Variants in UBE2E1 observed in about 807,000 individuals in gnomAD.
UBE2E1 encodes ubiquitin-conjugating enzyme E2 E1.
UBE2E1 carries 6 observed loss-of-function variants against 21.4 expected under a neutral mutation model. That is an observed-to-expected ratio of 0.28 (90% CI 0.15 to 0.55). The LOEUF (loss-of-function observed/expected upper bound fraction) is 0.55, where lower values mean the gene tolerates loss of function less well. Ranked by LOEUF, UBE2E1 falls within the 20% of genes least tolerant of loss-of-function variation. UBE2E1 has a pLI of 0.93. For missense variants in UBE2E1, 142 were observed against 236.5 expected (o/e 0.60, Z 2.62); for synonymous variants, 87 against 82.7 (o/e 1.05, Z -0.28).
At chr3:23,832,609 G>C (rs1408791392) in intron 3 of UBE2E1, among the ~76,000 whole-genome samples, 1 of 152,104 alleles carries the variant, frequency 6.6e-6, no homozygotes, top group East Asian at 1.9e-4. Context: ...AGAATCGCTT[G>C]AACTCAGTGG....
At chr3:23,859,335 G>A (rs1033223311) in intron 3 of UBE2E1, among the ~76,000 whole-genome samples, 1 of 152,152 alleles carries the variant, frequency 6.6e-6, no homozygotes, top group African/African-American at 2.4e-5. Context: ...CTCCTTAAGG[G>A]AGGTATGAGG....
chr3:23,860,997 G>C (rs1197790799), intron 3 of UBE2E1, among the ~76,000 whole-genome samples: 1 of 152,216 alleles, frequency 6.6e-6, no homozygotes, highest in Admixed American at 6.5e-5. Flanking sequence ...TGCACCAAAT[G>C]CTACACAGCC....
At chr3:23,830,088 A>G (rs1360590933) in intron 3 of UBE2E1, among the ~76,000 whole-genome samples, 2 of 152,170 alleles carry the variant, frequency 1.3e-5, no homozygotes, top group African/African-American at 4.8e-5. Flanking sequence ...TCATGCATAT[A>G]TTATTTTTCC....
rs1357036730 is a variant in UBE2E1 at position 23,830,098 on chromosome 3, C to CT, written c.203+18594dup. On this transcript the variant is annotated intron_variant, in intron 3 of 5. Coordinates refer to ENST00000306627, the MANE Select transcript of UBE2E1 (RefSeq NM_003341.5). ...AAAAATCATGCATATATTATTTTTCCTTTTTTCTTTTTAACTACTTCCTGG... is the reference window on the plus strand; with the variant it reads ...AAAAATCATGCATATATTATTTTTCCTTTTTTTCTTTTTAACTACTTCCTGG... 6.2e-4 allele frequency among the ~76,000 whole-genome samples: 94 copies of CT among 152,144 alleles called. 1 individual carries two copies. Among genetic ancestry groups the CT allele is most frequent in the African/African-American group, 2.1e-3 (87 of 41,506 alleles).
Position 23,848,099 on chromosome 3 carries a change from G to A in UBE2E1, c.203+36589G>A, listed in dbSNP as rs543260465. ...CCCAGTGTTTTCACAATAAACCTGT[G>A]CAGTAATTTCCTTATTTACAAATGA... is the stretch of plus-strand genomic sequence containing the variant. On this transcript the variant is annotated intron_variant, in intron 3 of 5. Transcript: ENST00000306627. Among the ~76,000 whole-genome samples, 3 of 152,274 alleles carry A rather than the reference G, an allele frequency of 2.0e-5. No homozygotes were observed. The South Asian group carries it at 6.2e-4, about 32-fold the overall frequency.
chr3:23,866,951 G>A (rs1700669496), intron 3 of UBE2E1, among the ~76,000 whole-genome samples: 1 of 152,096 alleles, frequency 6.6e-6, no homozygotes, highest in South Asian at 2.1e-4. Context: ...TAAGCTTCAT[G>A]GGTGTAGTAA....
chr3:23,812,308 A>G (rs1575799167), intron 3 of UBE2E1, among the ~76,000 whole-genome samples: 1 of 152,224 alleles, frequency 6.6e-6, no homozygotes, highest in African/African-American at 2.4e-5. Context: ...AAAATTAAGT[A>G]TAACATTTAA....
chr3:23,877,340 G>A (rs1487994377), intron 3 of UBE2E1, among the ~76,000 whole-genome samples: 2 of 152,134 alleles, frequency 1.3e-5, no homozygotes, highest in African/African-American at 4.8e-5. Flanking sequence ...GGGCACTGGA[G>A]TCTAACAGCT....
chr3:23,890,723 A>G lies in UBE2E1; in HGVS notation c.*117A>G, dbSNP rs983669636. 5.8e-6 allele frequency: 5 copies of G among 859,418 alleles called. No homozygotes were observed. The African/African-American group carries it at 7.0e-5, about 12-fold the overall frequency. The allele number at this position is 859,418 out of a possible 1,614,324, so 53.2% of individuals were successfully genotyped here. ...AGAGTAGGGTATTTCTATAACAGAT[A>G]TTATTCAGTCTTATTTCCTAAGATT... On this transcript the variant is annotated 3_prime_UTR_variant, in exon 6 of 6. Transcript: ENST00000306627.
At chr3:23,839,279 C>G (rs1051236965) in intron 3 of UBE2E1, among the ~76,000 whole-genome samples, 1 of 151,800 alleles carries the variant, frequency 6.6e-6, no homozygotes, top group Admixed American at 6.6e-5. Context: ...CTGGCTAACA[C>G]GGTGAAACCC....
At chr3:23,811,697 C>G (rs1227383643) in intron 3 of UBE2E1, among the ~76,000 whole-genome samples, 187 bp downstream of exon 3, 3 of 152,128 alleles carry the variant, frequency 2.0e-5, no homozygotes, top group Admixed American at 6.5e-5. Flanking sequence ...AAGCTCAGTA[C>G]TGTTGAGAAG....
chr3:23,815,150 T>A (rs1456431092), intron 3 of UBE2E1, among the ~76,000 whole-genome samples: 1 of 152,078 alleles, frequency 6.6e-6, no homozygotes, highest in African/African-American at 2.4e-5. Context: ...TCGGTTAATT[T>A]TTTGTATTTT....
At chr3:23,809,632 C>T (rs1699343805) in intron 2 of UBE2E1, among the ~76,000 whole-genome samples, 1 of 152,228 alleles carries the variant, frequency 6.6e-6, no homozygotes. Flanking sequence ...GGTATTAACG[C>T]TTCTTAGGTA....
chr3:23,823,534 A>G lies in UBE2E1; in HGVS notation c.203+12024A>G, dbSNP rs1181581779. Reference sequence around the variant, plus strand: ...AACCTTTCCTCCTCTATGGGGGTACATCTCAATTTTTAAGTTAATATATTA... The same window carrying G: ...AACCTTTCCTCCTCTATGGGGGTACGTCTCAATTTTTAAGTTAATATATTA... On this transcript the variant is annotated intron_variant, in intron 3 of 5. Transcript: ENST00000306627. This position sits in a 1 kb window ranked among gnomAD's most constrained non-coding sequence, Gnocchi z 4.2. Among the ~76,000 whole-genome samples, 4 of 152,244 alleles carry G rather than the reference A, an allele frequency of 2.6e-5. No individual in the cohort carries two copies. Among genetic ancestry groups the G allele is most frequent in the Non-Finnish European group, 5.9e-5 (4 of 68,048 alleles).
rs1443406465 is a variant in UBE2E1 at position 23,836,830 on chromosome 3, A to T, written c.203+25320A>T. 6.6e-6 allele frequency among the ~76,000 whole-genome samples: 1 copy of T among 152,234 alleles called. No homozygotes were observed. The highest frequency in any genetic ancestry group is 1.5e-5 in the Non-Finnish European group (1 of 68,034). ...ATGCCCAGGAATCTATTCATTCTGC[A>T]CACTATGATTGATCTAGTTTATGTT... On this transcript the variant is annotated intron_variant, in intron 3 of 5. Coordinates refer to ENST00000306627, the MANE Select transcript of UBE2E1 (RefSeq NM_003341.5). This position sits in a 1 kb window ranked among gnomAD's most constrained non-coding sequence, Gnocchi z 4.1.
At chr3:23,811,344 C>T (rs1699387277) in intron 2 of UBE2E1, 116 bp from the exon 3 acceptor site, 2 of 956,598 alleles carry the variant, frequency 2.1e-6, no homozygotes. Context: ...TTCCTCTTTG[C>T]CCAGTAGAAT....
chr3:23,827,916 C>T (rs574912961), intron 3 of UBE2E1, among the ~76,000 whole-genome samples: 1 of 152,068 alleles, frequency 6.6e-6, no homozygotes, highest in Non-Finnish European at 1.5e-5. Context: ...ATCTTATTTC[C>T]TCTCTCTGTA....
intron 3 of UBE2E1, among the ~76,000 whole-genome samples, chr3:23,831,351 AG>A (rs1699862758): frequency 6.6e-6 from 1 of 152,262 alleles, no homozygotes; most frequent in East Asian, 1.9e-4. Context: ...ACAGGCACCC[AG>A]AGAGAAACTT....
intron 3 of UBE2E1, among the ~76,000 whole-genome samples, chr3:23,878,583 C>CA (rs1700970165): frequency 6.6e-6 from 1 of 152,236 alleles, no homozygotes; most frequent in Non-Finnish European, 1.5e-5. Context: ...CCATGGCTTG[C>CA]ATTACTGCCT....
Sources: gnomAD v4.1 joint callset for allele counts (sites outside exome capture counted in the v4.1 genomes callset) on GRCh38, gnomAD v4.1.1 for gene constraint, Gnocchi (gnomAD v3.1) non-coding constraint, MANE v1.5 for transcripts, NCBI Gene and HGNC (gene_info 2026-07-23, HGNC 2026-07-21) for gene names.